The following KCNT1 variants were observed in gnomAD, a reference collection of about 807,000 sequenced individuals.
The protein encoded by KCNT1 is potassium sodium-activated channel subfamily T member 1, also known as potassium channel subfamily T member 1.
In KCNT1, 78 loss-of-function variants were observed where a neutral mutation model predicts 147.8. The observed-to-expected ratio is 0.53, with a 90% CI of 0.44 to 0.64. The LOEUF (loss-of-function observed/expected upper bound fraction) is 0.64, where lower values mean the gene tolerates loss of function less well. KCNT1 is among the 30% of genes least tolerant of loss of function. The pLI is 0.00. For synonymous variants in KCNT1, 867 were observed against 748.8 expected, an observed-to-expected ratio of 1.16 and a Z score of -2.58; for missense variants, 1,419 against 1,750.3, an observed-to-expected ratio of 0.81 and a Z score of 3.38.
At chr9:135,734,728 C>A (rs1830266105) in intron 2 of KCNT1, among the ~76,000 whole-genome samples, 1 of 152,206 alleles carries the variant, frequency 6.6e-6, no homozygotes, top group Admixed American at 6.5e-5. Flanking sequence ...CGTTTGCCTC[C>A]TGCGTGAGGC....
intron 2 of KCNT1, among the ~76,000 whole-genome samples, chr9:135,744,700 C>T (rs1220134387): frequency 2.0e-5 from 3 of 152,222 alleles, no homozygotes; most frequent in Non-Finnish European, 4.4e-5. Flanking sequence ...GGGCCAGCGC[C>T]GCTGACGGCT....
At chr9:135,748,997 G>C (rs748513998) in intron 2 of KCNT1, among the ~76,000 whole-genome samples, 1 of 152,236 alleles carries the variant, frequency 6.6e-6, no homozygotes, top group Non-Finnish European at 1.5e-5. Flanking sequence ...GCACCCCAGG[G>C]CACGGGCCGT....
intron 24 of KCNT1, 115 bp from the exon 25 acceptor site, chr9:135,783,907 GCA>G (rs1833809989): frequency 1.4e-6 from 1 of 737,670 alleles, no homozygotes; most frequent in East Asian, 2.6e-5. Flanking sequence ...GCACAAATGT[GCA>G]CACAGGTATC....
chr9:135,791,157 T>C (rs1385125543), intron 29 of KCNT1: 1 of 149,956 alleles, frequency 6.7e-6, no homozygotes, highest in Non-Finnish European at 1.5e-5. Flanking sequence ...GCACAGCGAG[T>C]GGGAATGGCC....
At chr9:135,763,063 G>C (rs968051766) in intron 11 of KCNT1, among the ~76,000 whole-genome samples, 12 of 152,218 alleles carry the variant, frequency 7.9e-5, no homozygotes, top group African/African-American at 2.9e-4. Context: ...CTCTGAGCGA[G>C]GCAGGGAGGA....
chr9:135,753,843 C>T, intron 4 of KCNT1, 94 bp from the exon 5 acceptor site: 1 of 1,351,456 alleles, frequency 7.4e-7, no homozygotes, highest in Non-Finnish European at 1.1e-6. Context: ...TAGGAGGCCC[C>T]CATGAACCCG....
Position 135,732,037 on chromosome 9 carries a change from GA to G in KCNT1, c.254+17318del, listed in dbSNP as rs1564328412. On this transcript the variant is annotated intron_variant, in intron 2 of 30. Coordinates refer to ENST00000371757, the MANE Select transcript of KCNT1 (RefSeq NM_020822.3). ...AGAGAGAGAGAGAGAGAGAGAGAGA[GA>G]GAGGGAGTCTCACTCTGTCATCCAG... Among the ~76,000 whole-genome samples the G allele has an allele frequency of 5.0e-5, 7 of 140,896 alleles. 1 individual carries two copies. Among genetic ancestry groups the G allele is most frequent in the African/African-American group, 1.8e-4 (7 of 38,414 alleles). 92.4% of individuals were successfully genotyped at this position (140,896 alleles called of 152,430 possible). A position where few individuals can be genotyped will look rare whatever the true frequency, so the allele number is the denominator to read the frequency against.
intron 11 of KCNT1, among the ~76,000 whole-genome samples, chr9:135,761,857 G>A (rs537036867): frequency 8.8e-4 from 134 of 152,308 alleles, no homozygotes; most frequent in African/African-American, 3.2e-3. Context: ...CCAGCCACAC[G>A]CAGCTCCACC....
At chr9:135,747,035 G>A (rs1021608482) in intron 2 of KCNT1, among the ~76,000 whole-genome samples, 8 of 152,124 alleles carry the variant, frequency 5.3e-5, no homozygotes, top group Middle Eastern at 3.4e-3. Context: ...GGGGCTGGAC[G>A]GCTGCCAGCA....
chr9:135,771,086 G>C lies in KCNT1; in HGVS notation c.1999G>C (p.Ala667Pro), dbSNP rs781725359. The change falls in exon 18 of 31, where the codon GCC (alanine) becomes CCC (proline). Residue 667 changes from alanine to proline, a missense_variant. Physicochemically the swap from Ala to Pro is conservative, Grantham distance 27 (BLOSUM62 -1). This residue lies in a region of KCNT1 where 284 missense variants were observed against 292.8 expected (regional missense o/e 0.97). Transcript: ENST00000371757. ...CCGCCTGCCCGTGCACAGCATCATC[G>C]CCTCCATGGGTGAGCCGGGACAGGC... ...PARLPVHSII[A>P]SMGTVAMDLQ... 4.3e-6 allele frequency: 7 copies of C among 1,610,276 alleles called. No individual in the cohort carries two copies. The highest frequency in any genetic ancestry group is 1.7e-5 in the Admixed American group (1 of 59,690).
In KCNT1 at chr9:135,730,079, C is replaced by A. The variant is rs999780446; in HGVS notation, c.254+15359C>A. 6.6e-6 allele frequency among the ~76,000 whole-genome samples: 1 copy of A among 152,236 alleles called. No homozygotes were observed. The highest frequency in any genetic ancestry group is 2.4e-5 in the African/African-American group (1 of 41,454). ...TACCCACATTCTCCTCTGCACTGTG[C>A]TGATCCTTCATCCATGGGAGCTGTG... On this transcript the variant is annotated intron_variant, in intron 2 of 30. Transcript: ENST00000371757. The surrounding 1 kb of genome is among the most constrained non-coding windows in gnomAD (Gnocchi z 4.7).
chr9:135,764,852 G>A (rs975673120), intron 11 of KCNT1, among the ~76,000 whole-genome samples, 179 bp from the exon 12 acceptor site: 6 of 152,128 alleles, frequency 3.9e-5, no homozygotes, highest in African/African-American at 1.4e-4. Flanking sequence ...TGTGTCATCT[G>A]AGGCTATCAG....
In KCNT1 at chr9:135,770,168, G is replaced by A. The variant is rs146830193; in HGVS notation, c.1619+113G>A. 5,436 of 1,382,138 alleles carry A rather than the reference G, an allele frequency of 3.9e-3. 24 individuals carry two copies. The highest frequency in any genetic ancestry group is 5.4e-3 in the Admixed American group (260 of 47,952). The allele number at this position is 1,382,138 out of a possible 1,614,324, so 85.6% of individuals were successfully genotyped here. A position where few individuals can be genotyped will look rare whatever the true frequency, so the allele number is the denominator to read the frequency against. ...GCTTCCCAGAGGAGGGGCACATGGCGGGCAAAAGTCCTGCATAGGGAGGGG... is the reference window on the plus strand; with the variant it reads ...GCTTCCCAGAGGAGGGGCACATGGCAGGCAAAAGTCCTGCATAGGGAGGGG... On this transcript the variant is annotated intron_variant, in intron 16 of 30. Transcript: ENST00000371757.
chr9:135,758,381 C>T, intron 9 of KCNT1, 33 bp from the exon 10 acceptor site: 1 of 1,548,178 alleles, frequency 6.5e-7, no homozygotes, highest in Admixed American at 1.7e-5. Flanking sequence ...GTCCACAGTC[C>T]CTGCCCGCTG....
At chr9:135,769,855 C>T (rs1832622758) in intron 15 of KCNT1, 92 bp from the exon 16 acceptor site, 1 of 899,838 alleles carries the variant, frequency 1.1e-6, no homozygotes, top group African/African-American at 1.7e-5. Flanking sequence ...AAGGGTGCAT[C>T]TGCATAGCAC....
intron 2 of KCNT1, chr9:135,736,638 GCGGGC>G (rs1830352995): frequency 5.3e-6 from 1 of 189,616 alleles, no homozygotes; most frequent in South Asian, 1.7e-4. Context: ...GCAGGATGGC[GCGGGC>G]CAAGCTGCCG....
chr9:135,770,395 C>G lies in KCNT1; in HGVS notation c.1717C>G (p.Arg573Gly). 6.2e-7 allele frequency: 1 copy of G among 1,613,246 alleles called. No individual in the cohort carries two copies. The highest frequency in any genetic ancestry group is 1.3e-5 in the African/African-American group (1 of 75,032). The change falls in exon 17 of 31, where the codon CGC becomes GGC. Residue 573 changes from arginine to glycine, a missense_variant. By Grantham distance (125) the Arg-to-Gly change is moderately radical. Around this residue, in one of 5 missense-constraint regions of KCNT1, gnomAD observed 284 missense variants for 292.8 expected, o/e 0.97. Transcript: ENST00000371757. The part of the protein sequence containing the change: ...HIRMGDSKFF[R>G]EYEGKSFTYA... ...CCGCATGGGTGACAGCAAGTTCTTCCGCGAGTACGAGGGCAAGAGCTTCAC... is the reference window on the plus strand; with the variant it reads ...CCGCATGGGTGACAGCAAGTTCTTCGGCGAGTACGAGGGCAAGAGCTTCAC...
chr9:135,702,202 G>T lies in KCNT1; in HGVS notation c.-57G>T. 4 of 1,273,532 alleles carry T rather than the reference G, an allele frequency of 3.1e-6. No individual in the cohort carries two copies. The highest frequency in any genetic ancestry group is 4.5e-6 in the Non-Finnish European group (4 of 887,290). The allele number at this position is 1,273,532 out of a possible 1,614,324, so 78.9% of individuals were successfully genotyped here. On this transcript the variant is annotated 5_prime_UTR_variant, in exon 1 of 31. Transcript: ENST00000371757. ...TGTTTTTCAGGGCAACGCGAGGGAA[G>T]AAGGTGGCGGCTCCCACTCGCTTCT...
At chr9:135,779,616 G>T (rs1049794320) in intron 24 of KCNT1, 146 bp downstream of exon 24, 1 of 647,456 alleles carries the variant, frequency 1.5e-6, no homozygotes, top group Admixed American at 2.6e-5. Flanking sequence ...GGCGTGGGGG[G>T]CCCAGCATGG....
Sources: allele counts gnomAD v4.1 joint callset (sites outside exome capture counted in the v4.1 genomes callset), GRCh38; gene constraint gnomAD v4.1.1; regional missense constraint gnomAD v4.1.1; non-coding constraint Gnocchi (gnomAD v3.1); transcripts MANE v1.5; gene names NCBI Gene and HGNC (gene_info 2026-07-23, HGNC 2026-07-21).